The following ATXN7L1 variants were observed in gnomAD, a reference collection of about 807,000 sequenced individuals.
ATXN7L1 encodes ataxin 7 like 1.
A neutral mutation model predicts 70.8 loss-of-function variants in ATXN7L1; 15 were observed. That is an observed-to-expected ratio of 0.21 (90% CI 0.14 to 0.33). The LOEUF is 0.33. Ranked by LOEUF, ATXN7L1 falls within the 10% of genes least tolerant of loss-of-function variation. The pLI is 1.00. For synonymous variants in ATXN7L1, 440 were observed against 445.1 expected (o/e 0.99, Z 0.14); for missense variants, 975 against 1,097.1 (o/e 0.89, Z 1.57).
intron 2 of ATXN7L1, among the ~76,000 whole-genome samples, chr7:105,811,474 A>T (rs976596431): frequency 6.6e-6 from 1 of 152,108 alleles, no homozygotes; most frequent in Non-Finnish European, 1.5e-5. Flanking sequence ...TTGTTGCGGC[A>T]GCCCTAGCAA....
chr7:105,722,226 C>T lies in ATXN7L1; in HGVS notation c.356-56938G>A, dbSNP rs140835985. Reference sequence around the variant, plus strand: ...GGCTGGGACTATGTGTGTACACGTGCGTGCCTGTGTGTGCCCTCACAGTTA... The same window carrying T: ...GGCTGGGACTATGTGTGTACACGTGTGTGCCTGTGTGTGCCCTCACAGTTA... On this transcript the variant is annotated intron_variant, in intron 3 of 11. Coordinates refer to ENST00000419735, the MANE Select transcript of ATXN7L1 (RefSeq NM_020725.2). Among the ~76,000 whole-genome samples, 25 of 152,164 alleles carry T rather than the reference C, an allele frequency of 1.6e-4. No homozygotes were observed. The East Asian group carries it at 3.9e-3, about 24-fold the overall frequency.
At chr7:105,627,159 A>T (rs1562916609) in intron 7 of ATXN7L1, among the ~76,000 whole-genome samples, 1 of 152,210 alleles carries the variant, frequency 6.6e-6, no homozygotes, top group Non-Finnish European at 1.5e-5. Context: ...CAGGAGATAG[A>T]TTAAAAAGGA....
chr7:105,666,663 T>C (rs1477082084), intron 3 of ATXN7L1, among the ~76,000 whole-genome samples: 1 of 152,332 alleles, frequency 6.6e-6, no homozygotes, highest in African/African-American at 2.4e-5. Context: ...GATCATCCAA[T>C]TGCTGGGTTT....
At chr7:105,821,677 G>T (rs1810185567) in intron 2 of ATXN7L1, among the ~76,000 whole-genome samples, 1 of 152,250 alleles carries the variant, frequency 6.6e-6, no homozygotes, top group South Asian at 2.1e-4. Context: ...CGCCATGATT[G>T]TGAGCAAGCT....
chr7:105,614,838 A>C lies in ATXN7L1; in HGVS notation c.1518-22T>G. 6 of 1,536,182 alleles carry C rather than the reference A, an allele frequency of 3.9e-6. No homozygotes were observed. The highest frequency in any genetic ancestry group is 5.3e-6 in the Non-Finnish European group (6 of 1,137,572). ...CTTCCTAAACATGAGAGAAGAGTGA[A>C]AGAGAATCAGTGAGACATCGGGTTG... is the stretch of plus-strand genomic sequence containing the variant. On this transcript the variant is annotated intron_variant, in intron 9 of 11. Transcript: ENST00000419735. The surrounding 1 kb of genome is among the most constrained non-coding windows in gnomAD (Gnocchi z 4.3).
intron 2 of ATXN7L1, among the ~76,000 whole-genome samples, chr7:105,838,921 C>G (rs1174056534): frequency 6.6e-6 from 1 of 152,182 alleles, no homozygotes; most frequent in Non-Finnish European, 1.5e-5. Flanking sequence ...CTCAGTCACT[C>G]CCAACAGAAA....
chr7:105,781,773 A>G (rs899563399), intron 3 of ATXN7L1, among the ~76,000 whole-genome samples: 5 of 152,230 alleles, frequency 3.3e-5, no homozygotes, highest in Admixed American at 3.3e-4. Flanking sequence ...ACGGAAACAG[A>G]AACACAGAGG....
intron 4 of ATXN7L1, among the ~76,000 whole-genome samples, chr7:105,654,577 C>A (rs1800326450): frequency 6.6e-6 from 1 of 152,244 alleles, no homozygotes; most frequent in Non-Finnish European, 1.5e-5. Context: ...AATCTCAGCC[C>A]ATCGCTTCAT....
At chr7:105,725,948 G>A (rs1246804082) in intron 3 of ATXN7L1, among the ~76,000 whole-genome samples, 1 of 148,982 alleles carries the variant, frequency 6.7e-6, no homozygotes, top group African/African-American at 2.5e-5. Flanking sequence ...CGTCGTCCAG[G>A]ATGGAGTGCA....
At chr7:105,621,513 G>GA (rs761863723) in intron 8 of ATXN7L1, among the ~76,000 whole-genome samples, 9 of 152,226 alleles carry the variant, frequency 5.9e-5, no homozygotes, top group Non-Finnish European at 1.0e-4. Context: ...ATAGATGGGG[G>GA]AGACAGGGAT....
rs972602935 is a variant in ATXN7L1, at chr7:105,670,552, G to A, written c.356-5264C>T. Among the ~76,000 whole-genome samples, 8 of 152,094 alleles carry A rather than the reference G, an allele frequency of 5.3e-5. No homozygotes were observed. In the South Asian group the frequency reaches 6.2e-4, roughly 12 times the overall value. ...TTGTCAGCTAACATTCTACATATAC[G>A]TATCAAATTCCCACAAACTTGCTAT... On this transcript the variant is annotated intron_variant, in intron 3 of 11. Transcript: ENST00000419735.
At chr7:105,622,803 A>G (rs1450855012) in intron 8 of ATXN7L1, among the ~76,000 whole-genome samples, 1 of 152,016 alleles carries the variant, frequency 6.6e-6, no homozygotes, top group African/African-American at 2.4e-5. Flanking sequence ...TTGGAAGAAG[A>G]CCCCTTTTCT....
chr7:105,753,805 T>C (rs1223665913), intron 3 of ATXN7L1, among the ~76,000 whole-genome samples: 1 of 152,246 alleles, frequency 6.6e-6, no homozygotes, highest in Non-Finnish European at 1.5e-5. Flanking sequence ...TATTGGTATG[T>C]TCACTATTTA....
At chr7:105,799,722 C>T (rs765938487) in intron 2 of ATXN7L1, among the ~76,000 whole-genome samples, 8 of 152,070 alleles carry the variant, frequency 5.3e-5, no homozygotes, top group Admixed American at 4.6e-4. Flanking sequence ...GTGCTCACTT[C>T]GAGGTCAGTG....
chr7:105,744,982 T>C (rs1164128822), intron 3 of ATXN7L1, among the ~76,000 whole-genome samples: 1 of 151,964 alleles, frequency 6.6e-6, no homozygotes, highest in East Asian at 1.9e-4. Flanking sequence ...AGGTGATCCA[T>C]CTGCCTTAGC....
intron 2 of ATXN7L1, among the ~76,000 whole-genome samples, chr7:105,852,584 G>A (rs115511381): frequency 0.034 from 5,188 of 151,984 alleles, 291 homozygotes; most frequent in African/African-American, 0.12. Context: ...CTGACCCCTC[G>A]GCCAGCAATC....
At chr7:105,816,149 G>A (rs1238266014) in intron 2 of ATXN7L1, among the ~76,000 whole-genome samples, 2 of 152,118 alleles carry the variant, frequency 1.3e-5, no homozygotes, top group African/African-American at 4.8e-5. Flanking sequence ...CTTCTAACGG[G>A]AAGTCAGTAG....
At position 105,610,593 on chromosome 7, in the gene ATXN7L1, T is replaced by A; in HGVS notation, c.2483A>T (p.Asn828Ile). Residue 828 changes from asparagine to isoleucine, a missense_variant, in exon 11 of 12, where the codon AAT (asparagine) becomes ATT (isoleucine). Coordinates refer to ENST00000419735, the MANE Select transcript of ATXN7L1 (RefSeq NM_020725.2). Reference protein sequence around the residue: ...NSTSSRQVGKNSSLALSQSSP... With the variant: ...NSTSSRQVGKISSLALSQSSP... Reference sequence around the variant, plus strand: ...GGATTGTGACAAAGCTAGGCTGCTATTTTTCCCAACCTGAAAGACACCATT... The same window carrying A: ...GGATTGTGACAAAGCTAGGCTGCTAATTTTCCCAACCTGAAAGACACCATT... The A allele has an allele frequency of 1.3e-6, 2 of 1,551,458 alleles. No individual in the cohort carries two copies. The highest frequency in any genetic ancestry group is 2.7e-5 in the African/African-American group (2 of 73,078).
intron 2 of ATXN7L1, among the ~76,000 whole-genome samples, chr7:105,871,087 T>TG (rs1443424332): frequency 6.6e-6 from 1 of 151,006 alleles, no homozygotes; most frequent in Non-Finnish European, 1.5e-5. Flanking sequence ...GGCTTGGGTT[T>TG]TTTTTTTTTT....
Sources: gnomAD v4.1 joint callset for allele counts (sites outside exome capture counted in the v4.1 genomes callset) on GRCh38, gnomAD v4.1.1 for gene constraint, Gnocchi (gnomAD v3.1) non-coding constraint, MANE v1.5 for transcripts, NCBI Gene and HGNC (gene_info 2026-07-23, HGNC 2026-07-21) for gene names.